Variants in TXLNA observed in about 807,000 individuals in gnomAD.
TXLNA encodes the protein alpha-taxilin.
In TXLNA, 9 loss-of-function variants were observed where a neutral mutation model predicts 61.4. The ratio of observed to expected loss-of-function variants is 0.15; its 90% confidence interval spans 0.09 to 0.26. The LOEUF (loss-of-function observed/expected upper bound fraction) is 0.26. Among genes scored for constraint, TXLNA ranks in the 10% least tolerant of loss-of-function variants. TXLNA has a pLI of 1.00. For synonymous variants in TXLNA, 257 were observed against 267.7 expected, an observed-to-expected ratio of 0.96 and a Z score of 0.39; for missense variants, 565 against 688.8, an observed-to-expected ratio of 0.82 and a Z score of 2.01.
At chr1:32,181,654 C>CT (rs1203360605) in intron 3 of TXLNA, 77 bp downstream of exon 3, 3 of 1,324,512 alleles carry the variant, frequency 2.3e-6, no homozygotes, top group Non-Finnish European at 3.0e-6. Context: ...CCAGTCTGTT[C>CT]TGCCAGGATT....
intron 2 of TXLNA, 99 bp from the exon 3 acceptor site, chr1:32,181,143 T>C (rs1437370715): frequency 1.8e-6 from 2 of 1,081,898 alleles, no homozygotes; most frequent in Non-Finnish European, 2.5e-6. Flanking sequence ...TTAGGCAACA[T>C]TTAACTCAAA....
Position 32,192,644 on chromosome 1 carries a change from G to T in TXLNA, c.1084-13G>T. 6.2e-7 allele frequency: 1 copy of T among 1,614,224 alleles called. No individual in the cohort carries two copies. Among genetic ancestry groups the T allele is most frequent in the South Asian group, 1.1e-5 (1 of 91,084 alleles). On this transcript the variant is annotated splice_polypyrimidine_tract_variant and intron_variant, in intron 7 of 10. Coordinates refer to ENST00000373610, the MANE Select transcript of TXLNA (RefSeq NM_175852.4). The surrounding 1 kb of genome is among the most constrained non-coding windows in gnomAD (Gnocchi z 4.2). ...GGCTTCTGACAGGATCTGGGGTTCTGTCTTGGAAATAGCTCCTGAAAGAGG... is the reference window on the plus strand; with the variant it reads ...GGCTTCTGACAGGATCTGGGGTTCTTTCTTGGAAATAGCTCCTGAAAGAGG...
chr1:32,181,587 G>T lies in TXLNA; in HGVS notation c.505+10G>T. The T allele has an allele frequency of 6.6e-7, 1 of 1,514,922 alleles. No individual in the cohort carries two copies. The highest frequency in any genetic ancestry group is 1.3e-5 in the South Asian group (1 of 79,752). The allele number at this position is 1,514,922 out of a possible 1,614,324, so 93.8% of individuals were successfully genotyped here. On this transcript the variant is annotated intron_variant, in intron 3 of 10. Coordinates refer to ENST00000373610, the MANE Select transcript of TXLNA (RefSeq NM_175852.4). ...AAAGCCAAGGGTTTGGGTGAGCAGAGGGCGGCTCTTTGTGAAGCTGGTGAG... is the reference window on the plus strand; with the variant it reads ...AAAGCCAAGGGTTTGGGTGAGCAGATGGCGGCTCTTTGTGAAGCTGGTGAG...
Position 32,197,061 on chromosome 1 carries a change from C to G in TXLNA, c.*1866C>G, listed in dbSNP as rs1643041120. The G allele has an allele frequency of 6.6e-6, 1 of 152,252 alleles. No individual in the cohort carries two copies. The highest frequency in any genetic ancestry group is 2.1e-4 in the South Asian group (1 of 4,832). The allele number at this position is 152,252 out of a possible 1,614,324, so 9.4% of individuals were successfully genotyped here. On this transcript the variant is annotated 3_prime_UTR_variant, in exon 11 of 11. Transcript: ENST00000373610. This position sits in a 1 kb window ranked among gnomAD's most constrained non-coding sequence, Gnocchi z 4.6. ...AGTGTTTCCCATGACCTTTTTCTTC[C>G]CCTTTGAATCCCTCTGTCTGGAGTA...
At chr1:32,183,248 C>A (rs1190102470) in intron 3 of TXLNA, among the ~76,000 whole-genome samples, 1 of 150,614 alleles carries the variant, frequency 6.6e-6, no homozygotes, top group African/African-American at 2.4e-5. Flanking sequence ...CTCAGCCTCC[C>A]GAGTAGCTGG....
chr1:32,194,843 G>A, intron 10 of TXLNA, 59 bp from the exon 11 acceptor site: 1 of 1,534,668 alleles, frequency 6.5e-7, no homozygotes, highest in Non-Finnish European at 8.8e-7. Context: ...CCGCCAAGTG[G>A]TGATGGTAAG....
Position 32,194,079 on chromosome 1 carries a change from C to G in TXLNA, c.1266C>G (p.Ile422Met). 1 of 1,613,446 alleles carries G rather than the reference C, an allele frequency of 6.2e-7. No individual in the cohort carries two copies. Among genetic ancestry groups the G allele is most frequent in the Non-Finnish European group, 8.5e-7 (1 of 1,179,700 alleles). ...KQEMEKMTKKIKKLEKETTMY... is the reference protein window; with the variant it reads ...KQEMEKMTKKMKKLEKETTMY... ...ACATAACCTAGATGACTAAGAAGAT[C>G]AAGAAGCTGGAGAAAGAAACCACCA... Residue 422 changes from isoleucine to methionine, a missense_variant, in exon 10 of 11, where the codon ATC becomes ATG. This residue lies in a region of TXLNA where 373 missense variants were observed against 504.0 expected (regional missense o/e 0.74). Coordinates refer to ENST00000373610, the MANE Select transcript of TXLNA (RefSeq NM_175852.4).
Position 32,195,641 on chromosome 1 carries a change from C to G in TXLNA, c.*446C>G. 2.3e-6 allele frequency: 1 copy of G among 440,246 alleles called. No individual in the cohort carries two copies. Among genetic ancestry groups the G allele is most frequent in the South Asian group, 1.6e-5 (1 of 62,160 alleles). The allele number at this position is 440,246 out of a possible 1,614,324, so 27.3% of individuals were successfully genotyped here. A position where few individuals can be genotyped will look rare whatever the true frequency, so the allele number is the denominator to read the frequency against. On this transcript the variant is annotated 3_prime_UTR_variant, in exon 11 of 11. Coordinates refer to ENST00000373610, the MANE Select transcript of TXLNA (RefSeq NM_175852.4). Reference sequence around the variant, plus strand: ...GCATTTGTCTTGTGAGCAGGGCTTGCTTGGTCAGCTCAGGCCCTCCTAGCT... The same window carrying G: ...GCATTTGTCTTGTGAGCAGGGCTTGGTTGGTCAGCTCAGGCCCTCCTAGCT...
chr1:32,180,069 C>T, intron 1 of TXLNA: 2 of 300,466 alleles, frequency 6.7e-6, no homozygotes, highest in East Asian at 1.3e-4. Context: ...CCGGTTGTGC[C>T]GGGAAGTGGC....
In TXLNA at chr1:32,192,407, C is replaced by T. The variant is rs1266658524; in HGVS notation, c.1060C>T (p.Arg354Trp). The T allele has an allele frequency of 1.2e-6, 2 of 1,614,020 alleles. No individual in the cohort carries two copies. Among genetic ancestry groups the T allele is most frequent in the East Asian group, 2.2e-5 (1 of 44,874 alleles). The change falls in exon 7 of 11, where the codon CGG becomes TGG. Residue 354 changes from arginine to tryptophan, a missense_variant. Arg to Trp is a moderately radical substitution (Grantham distance 101). This residue lies in a region of TXLNA where 373 missense variants were observed against 504.0 expected (regional missense o/e 0.74). Transcript: ENST00000373610. The surrounding 1 kb of genome is among the most constrained non-coding windows in gnomAD (Gnocchi z 4.2). ...GGAGATGCTAAAGGAGGCAGAAGAG[C>T]GGCACCAGCGGGAGAAGGATTTTGT... ...AQEMLKEAEE[R>W]HQREKDFLLK...
intron 3 of TXLNA, among the ~76,000 whole-genome samples, chr1:32,182,098 C>CTTTT (rs35693792): frequency 1.5e-4 from 15 of 101,684 alleles, no homozygotes; most frequent in African/African-American, 3.4e-4. Context: ...TGCAGTCAGG[C>CTTTT]TTTTTTTTTT....
In TXLNA at chr1:32,181,519, C is replaced by G. The variant is rs536471811; in HGVS notation, c.447C>G (p.Asp149Glu). ...ACACAGAAGAGATCCGGCAGAGTGA[C>G]GAGGTCGGAGACCGAGACCATCGAA... ...DPNTEEIRQS[D>E]EVGDRDHRRP... The change falls in exon 3 of 11, where the codon GAC (aspartate) becomes GAG (glutamate). Residue 149 changes from aspartate to glutamate, a missense_variant. This residue lies in a region of TXLNA where 373 missense variants were observed against 504.0 expected (regional missense o/e 0.74). Transcript: ENST00000373610. 1 of 1,596,316 alleles carries G rather than the reference C, an allele frequency of 6.3e-7. No individual in the cohort carries two copies. Among genetic ancestry groups the G allele is most frequent in the Non-Finnish European group, 8.5e-7 (1 of 1,171,080 alleles).
intron 10 of TXLNA, 89 bp downstream of exon 10, chr1:32,194,249 CAGCT>C (rs145570917): frequency 9.5e-7 from 1 of 1,048,016 alleles, no homozygotes; most frequent in Non-Finnish European, 1.4e-6. Context: ...ATCAGTGACA[CAGCT>C]AGCATGAGGT....
Position 32,192,359 on chromosome 1 carries a change from G to A in TXLNA, c.1012G>A (p.Asp338Asn). The A allele has an allele frequency of 6.2e-7, 1 of 1,614,224 alleles. No individual in the cohort carries two copies. The highest frequency in any genetic ancestry group is 8.5e-7 in the Non-Finnish European group (1 of 1,180,030). Residue 338 changes from aspartate (D) to asparagine (N), a missense_variant, in exon 7 of 11, where the codon GAT becomes AAT. This residue lies in a region of TXLNA where 373 missense variants were observed against 504.0 expected (regional missense o/e 0.74). Coordinates refer to ENST00000373610, the MANE Select transcript of TXLNA (RefSeq NM_175852.4). The surrounding 1 kb of genome is among the most constrained non-coding windows in gnomAD (Gnocchi z 4.2). ...CAAGGACCTACAACAGCAGCTGGTGGATGCCAAGCTCCAGCAGGCCCAGGA... is the reference window on the plus strand; with the variant it reads ...CAAGGACCTACAACAGCAGCTGGTGAATGCCAAGCTCCAGCAGGCCCAGGA... ...KHKDLQQQLV[D>N]AKLQQAQEML...
intron 6 of TXLNA, among the ~76,000 whole-genome samples, chr1:32,191,460 G>T (rs1336229656): frequency 6.6e-6 from 1 of 152,128 alleles, no homozygotes; most frequent in African/African-American, 2.4e-5. Context: ...AGGGGAGTTG[G>T]TTTGGTTCTT....
In TXLNA at chr1:32,193,310, G is replaced by A. The variant is rs41303423; in HGVS notation, c.1251+10G>A. On this transcript the variant is annotated intron_variant, in intron 9 of 10. Transcript: ENST00000373610. The stretch of plus-strand genomic sequence containing the variant: ...GCAGGAGATGGAAAAGGTAACTGTG[G>A]TCCAGGCCAGGCATGGCTGCTGGGG... The A allele has an allele frequency of 5.9e-4, 950 of 1,603,742 alleles. 2 individuals carry two copies. The highest frequency in any genetic ancestry group is 7.5e-4 in the Non-Finnish European group (881 of 1,170,944).
intron 6 of TXLNA, 97 bp downstream of exon 6, chr1:32,190,346 T>C (rs1642879316): frequency 8.5e-7 from 1 of 1,180,994 alleles, no homozygotes; most frequent in Non-Finnish European, 1.2e-6. Flanking sequence ...TTCATCCCAT[T>C]CTCCCTTTCT....
At chr1:32,191,452 G>A (rs1314238273) in intron 6 of TXLNA, among the ~76,000 whole-genome samples, 1 of 152,138 alleles carries the variant, frequency 6.6e-6, no homozygotes, top group African/African-American at 2.4e-5. Flanking sequence ...TTGGTTTGAG[G>A]GGAGTTGGTT....
At chr1:32,183,414 G>A (rs933354592) in intron 3 of TXLNA, among the ~76,000 whole-genome samples, 1 of 139,162 alleles carries the variant, frequency 7.2e-6, no homozygotes, top group African/African-American at 2.7e-5. Flanking sequence ...GTGGGCCACC[G>A]TACCCTGCCT....
Sources: gnomAD v4.1 joint callset for allele counts (sites outside exome capture counted in the v4.1 genomes callset) on GRCh38, gnomAD v4.1.1 for gene constraint, gnomAD v4.1.1 regional missense constraint, Gnocchi (gnomAD v3.1) non-coding constraint, MANE v1.5 for transcripts, NCBI Gene and HGNC (gene_info 2026-07-23, HGNC 2026-07-21) for gene names.